JMJD1C: variants seen among roughly 807,000 people sequenced by gnomAD.
The protein encoded by JMJD1C is jumonji domain containing 1C.
Under a neutral mutation model 245.3 loss-of-function variants are expected in JMJD1C, and 31 were observed. The ratio of observed to expected loss-of-function variants is 0.13; its 90% CI spans 0.09 to 0.17. The LOEUF (loss-of-function observed/expected upper bound fraction) is 0.17. JMJD1C is among the 10% of genes least tolerant of loss of function. The pLI is 1.00. For synonymous variants in JMJD1C, 1,057 were observed against 1,017.4 expected, an observed-to-expected ratio of 1.04 and a Z score of -0.74; for missense variants, 2,691 against 3,000.2, an observed-to-expected ratio of 0.90 and a Z score of 2.41.
intron 10 of JMJD1C, chr10:63,202,349 T>C (rs1045166021): frequency 1.0e-6 from 1 of 984,678 alleles, no homozygotes; most frequent in South Asian, 4.7e-5. Flanking sequence ...TTAATGTATC[T>C]ATATGTCAGA....
chr10:63,447,881 G>C (rs897271241), intron 1 of JMJD1C, among the ~76,000 whole-genome samples: 6 of 152,012 alleles, frequency 3.9e-5, no homozygotes, highest in African/African-American at 1.4e-4. Context: ...AAAGGTTGCA[G>C]TGAGCTGAGA....
At chr10:63,492,094 C>T (rs887498108) in intron 1 of JMJD1C, among the ~76,000 whole-genome samples, 3 of 152,144 alleles carry the variant, frequency 2.0e-5, no homozygotes, top group East Asian at 1.9e-4. Context: ...TGGAGTAAAG[C>T]GTGATCTCGG....
intron 1 of JMJD1C, among the ~76,000 whole-genome samples, chr10:63,472,096 T>A (rs936852023): frequency 1.8e-4 from 27 of 152,064 alleles, no homozygotes; most frequent in African/African-American, 6.5e-4. Context: ...ATGGAAGAAT[T>A]TTTGCAATGT....
intron 1 of JMJD1C, among the ~76,000 whole-genome samples, chr10:63,396,550 T>C (rs903406326): frequency 1.3e-5 from 2 of 152,174 alleles, no homozygotes; most frequent in Non-Finnish European, 2.9e-5. Flanking sequence ...TCAGATGATA[T>C]ACAACGGGCA....
At chr10:63,361,740 A>G (rs1945359761) in intron 2 of JMJD1C, among the ~76,000 whole-genome samples, 2 of 149,614 alleles carry the variant, frequency 1.3e-5, no homozygotes, top group South Asian at 2.1e-4. Context: ...AAAAAAAAAA[A>G]AAAAAAAGAA....
At chr10:63,390,610 A>G (rs986184885) in intron 1 of JMJD1C, among the ~76,000 whole-genome samples, 3 of 152,154 alleles carry the variant, frequency 2.0e-5, no homozygotes, top group Admixed American at 6.5e-5. Flanking sequence ...CTACAGGCCA[A>G]TATCTCTGAT....
At chr10:63,517,815 C>CA (rs1955070101) in intron 1 of JMJD1C, among the ~76,000 whole-genome samples, 1 of 103,994 alleles carries the variant, frequency 9.6e-6, no homozygotes, top group South Asian at 3.2e-4. Flanking sequence ...TTTTTTGAGA[C>CA]AGAGTCTCAC....
chr10:63,473,854 C>G (rs537140305), intron 1 of JMJD1C, among the ~76,000 whole-genome samples: 30 of 151,764 alleles, frequency 2.0e-4, no homozygotes, highest in Admixed American at 9.2e-4. Context: ...ACCAGCCTGG[C>G]CAACATGGTG....
intron 1 of JMJD1C, among the ~76,000 whole-genome samples, chr10:63,389,925 C>T (rs1305873601): frequency 1.3e-5 from 2 of 152,098 alleles, no homozygotes; most frequent in African/African-American, 4.8e-5. Context: ...TAATTAATAC[C>T]TATAACCAAA....
Position 63,465,940 on chromosome 10 carries a change from G to A in JMJD1C, c.-278C>T, listed in dbSNP as rs1184136997. 2.0e-5 allele frequency: 11 copies of A among 557,702 alleles called. No homozygotes were observed. Among genetic ancestry groups the A allele is most frequent in the East Asian group, 1.7e-4 (5 of 30,212 alleles). 34.5% of individuals were successfully genotyped at this position (557,702 alleles called of 1,614,324 possible). On this transcript the variant is annotated 5_prime_UTR_variant, in exon 1 of 26. Coordinates refer to ENST00000399262, the MANE Select transcript of JMJD1C (RefSeq NM_032776.3). ...CCAACGCGGCCGTCGAAGACCCCGAGGCAGCCCAGCCGCCGCCACCGCGCC... is the reference window on the plus strand; with the variant it reads ...CCAACGCGGCCGTCGAAGACCCCGAAGCAGCCCAGCCGCCGCCACCGCGCC...
intron 5 of JMJD1C, 91 bp from the exon 6 acceptor site, chr10:63,215,787 G>T: frequency 1.1e-6 from 1 of 891,688 alleles, no homozygotes; most frequent in Non-Finnish European, 1.6e-6. Context: ...GAAATGTTTA[G>T]AAATCAGCTT....
chr10:63,357,082 G>A (rs1400416643), intron 2 of JMJD1C, among the ~76,000 whole-genome samples: 2 of 151,704 alleles, frequency 1.3e-5, no homozygotes, highest in South Asian at 2.1e-4. Flanking sequence ...TCGCCAGGCT[G>A]GAGTGCAGTG....
intron 1 of JMJD1C, among the ~76,000 whole-genome samples, chr10:63,477,458 T>A (rs1953698453): frequency 6.6e-6 from 1 of 151,578 alleles, no homozygotes. Flanking sequence ...ACTTATATGG[T>A]CAATTGATTT....
At chr10:63,194,640 TA>T in intron 13 of JMJD1C, 1 of 326,718 alleles carries the variant, frequency 3.1e-6, no homozygotes, top group East Asian at 5.5e-5. Flanking sequence ...ATAGCCTTTC[TA>T]AAAATTACCA....
intron 2 of JMJD1C, among the ~76,000 whole-genome samples, chr10:63,341,549 T>C (rs943222077): frequency 3.3e-5 from 5 of 152,234 alleles, no homozygotes; most frequent in Admixed American, 6.5e-5. Flanking sequence ...CCAGCCCATA[T>C]TAAGCTAATG....
At chr10:63,348,205 CAAAAAA>C (rs35674300) in intron 2 of JMJD1C, among the ~76,000 whole-genome samples, 2 of 129,938 alleles carry the variant, frequency 1.5e-5, no homozygotes, top group African/African-American at 2.9e-5. Context: ...GACTTCATCT[CAAAAAA>C]AAAAAAAAAA....
chr10:63,379,953 TG>T (rs1226912942), intron 2 of JMJD1C, among the ~76,000 whole-genome samples: 8 of 151,856 alleles, frequency 5.3e-5, no homozygotes, highest in Admixed American at 3.9e-4. Context: ...TTTTTTTTTT[TG>T]TTAAGAGATG....
intron 3 of JMJD1C, among the ~76,000 whole-genome samples, chr10:63,259,327 G>T (rs1854395831): frequency 6.6e-6 from 1 of 152,084 alleles, no homozygotes; most frequent in South Asian, 2.1e-4. Context: ...GCTGACTAAT[G>T]GCTAAAATTT....
chr10:63,338,639 G>C (rs1943070403), intron 2 of JMJD1C, among the ~76,000 whole-genome samples: 1 of 124,548 alleles, frequency 8.0e-6, no homozygotes, highest in Admixed American at 7.9e-5. Context: ...CTGCTCCTTA[G>C]ATTTTTTTTT....
Sources: gnomAD v4.1 joint callset for allele counts (sites outside exome capture counted in the v4.1 genomes callset) on GRCh38, gnomAD v4.1.1 for gene constraint, MANE v1.5 for transcripts, NCBI Gene and HGNC (gene_info 2026-07-23, HGNC 2026-07-21) for gene names.